The following CFAP58 variants were observed in gnomAD, a reference collection of about 807,000 sequenced individuals.
The protein encoded by CFAP58 is cilia- and flagella-associated protein 58.
Under a neutral mutation model 119.5 loss-of-function variants are expected in CFAP58, and 88 were observed. The ratio of observed to expected loss-of-function variants is 0.74; its 90% CI spans 0.62 to 0.88. CFAP58 has a LOEUF of 0.88. Among genes scored for constraint, CFAP58 ranks in the 40% least tolerant of loss-of-function variants. The pLI is 0.00. For synonymous variants in CFAP58, 365 were observed against 366.3 expected (o/e 1.00, Z 0.04); for missense variants, 990 against 1,021.2 (o/e 0.97, Z 0.42).
intron 15 of CFAP58, among the ~76,000 whole-genome samples, chr10:104,434,330 G>A (rs1352099358): frequency 6.6e-6 from 1 of 152,116 alleles, no homozygotes; most frequent in Non-Finnish European, 1.5e-5. Context: ...AACTTCTCTT[G>A]TGTTTCCTAC....
chr10:104,388,540 G>A (rs1280610943), intron 9 of CFAP58, among the ~76,000 whole-genome samples: 3 of 152,146 alleles, frequency 2.0e-5, no homozygotes, highest in Non-Finnish European at 4.4e-5. Flanking sequence ...AAGCCAGGGC[G>A]CATAGTTGTT....
intron 7 of CFAP58, among the ~76,000 whole-genome samples, 157 bp downstream of exon 7, chr10:104,371,211 G>C (rs751906293): frequency 1.3e-5 from 2 of 151,864 alleles, no homozygotes; most frequent in African/African-American, 2.4e-5. Flanking sequence ...GGGTGGGGTG[G>C]GGGGCATCAT....
chr10:104,353,325 C>T (rs2014488304), upstream of CFAP58: 1 of 152,500 alleles, frequency 6.6e-6, no homozygotes. Flanking sequence ...CTTCAGCTTT[C>T]CCTCCGTGTC....
At chr10:104,372,783 C>G (rs2014841689) in intron 7 of CFAP58, among the ~76,000 whole-genome samples, 1 of 152,218 alleles carries the variant, frequency 6.6e-6, no homozygotes, top group Admixed American at 6.5e-5. Flanking sequence ...TTGAGCCCAA[C>G]TCTTCATCCT....
intron 17 of CFAP58, among the ~76,000 whole-genome samples, chr10:104,452,861 T>C (rs57814403): frequency 0.01 from 1,585 of 152,272 alleles, 31 homozygotes; most frequent in African/African-American, 0.036. Flanking sequence ...CTAGTTAGGG[T>C]TCCTTTGGTG....
intron 12 of CFAP58, among the ~76,000 whole-genome samples, chr10:104,400,141 G>T (rs2012236558): frequency 1.3e-5 from 2 of 151,988 alleles, no homozygotes; most frequent in East Asian, 1.9e-4. Context: ...ATTATTAGAT[G>T]ATTGGACTAT....
intron 7 of CFAP58, among the ~76,000 whole-genome samples, chr10:104,376,376 G>T (rs537258532): frequency 1.3e-5 from 2 of 151,808 alleles, no homozygotes; most frequent in South Asian, 4.2e-4. Flanking sequence ...TGGTGGTGCT[G>T]CACCTGTAGT....
At chr10:104,445,363 A>G (rs2013098890) in intron 15 of CFAP58, among the ~76,000 whole-genome samples, 3 of 152,014 alleles carry the variant, frequency 2.0e-5, no homozygotes, top group Non-Finnish European at 4.4e-5. Flanking sequence ...AAACAAACCA[A>G]AAGAACAAAA....
intron 9 of CFAP58, among the ~76,000 whole-genome samples, chr10:104,384,676 A>G (rs2011886346): frequency 6.6e-6 from 1 of 152,250 alleles, no homozygotes; most frequent in Non-Finnish European, 1.5e-5. Context: ...AAATGCAGAG[A>G]AAAGGTTTGG....
intron 2 of CFAP58, among the ~76,000 whole-genome samples, chr10:104,361,119 G>T (rs565250263): frequency 1.3e-5 from 2 of 152,194 alleles, no homozygotes; most frequent in South Asian, 4.1e-4. Context: ...ATTTGGGCAG[G>T]GACATACATC....
intron 15 of CFAP58, among the ~76,000 whole-genome samples, chr10:104,418,807 G>A (rs1241360347): frequency 6.6e-6 from 1 of 152,172 alleles, no homozygotes. Flanking sequence ...TGCTTTATTA[G>A]TGGATAACTC....
intron 15 of CFAP58, among the ~76,000 whole-genome samples, chr10:104,432,044 G>A (rs1336089501): frequency 6.6e-6 from 1 of 151,858 alleles, no homozygotes; most frequent in Admixed American, 6.6e-5. Context: ...CAAGTTTCCT[G>A]TACACATACA....
rs1261519700 is a variant in CFAP58, at chr10:104,358,432, A to C, written c.101A>C (p.Lys34Thr). The change falls in exon 2 of 18, where the codon AAA becomes ACA. Residue 34 changes from lysine (K) to threonine (T), a missense_variant. Physicochemically the swap from Lys to Thr is moderately conservative, Grantham distance 78 (BLOSUM62 -1). Transcript: ENST00000369704. ...GTTCTCCATGAACTTTCTGGAGACAAAAGTTTGGAAAAATTTCGGATTGAA... is the reference window on the plus strand; with the variant it reads ...GTTCTCCATGAACTTTCTGGAGACACAAGTTTGGAAAAATTTCGGATTGAA... Reference protein sequence around the residue: ...QGVLHELSGDKSLEKFRIEYE... With the variant: ...QGVLHELSGDTSLEKFRIEYE... 1 of 1,614,106 alleles carries C rather than the reference A, an allele frequency of 6.2e-7. No individual in the cohort carries two copies. The highest frequency in any genetic ancestry group is 8.5e-7 in the Non-Finnish European group (1 of 1,180,024).
rs534503199 is a variant in CFAP58 at position 104,384,768 on chromosome 10, G to A, written c.1365+4548G>A. On this transcript the variant is annotated intron_variant, in intron 9 of 17. Coordinates refer to ENST00000369704, the MANE Select transcript of CFAP58 (RefSeq NM_001008723.2). ...GGAACAGTGTTTAGCAAAATACCTT[G>A]ATATTTGCCTTGGTTTGAAAGGTGA... 2.6e-5 allele frequency among the ~76,000 whole-genome samples: 4 copies of A among 152,312 alleles called. No individual in the cohort carries two copies. The East Asian group carries it at 7.7e-4, about 29-fold the overall frequency.
chr10:104,345,312 A>G, the CFAP58 span, among the ~76,000 whole-genome samples: 38,512 of 151,976 alleles, frequency 0.25, 5,155 homozygotes, highest in Middle Eastern at 0.3. Context: ...TTTGGTATTT[A>G]CATTGAGGAT....
chr10:104,416,723 A>G (rs2012560185), intron 15 of CFAP58, among the ~76,000 whole-genome samples: 1 of 152,100 alleles, frequency 6.6e-6, no homozygotes, highest in African/African-American at 2.4e-5. Context: ...TGTCACAACA[A>G]CCCCAGAAGA....
intron 13 of CFAP58, among the ~76,000 whole-genome samples, chr10:104,403,273 G>A (rs1057262860): frequency 3.3e-5 from 5 of 152,118 alleles, no homozygotes; most frequent in Non-Finnish European, 4.4e-5. Flanking sequence ...TGCCTGCCAC[G>A]ATGTAAGATG....
chr10:104,419,119 G>A (rs1055775086), intron 15 of CFAP58, among the ~76,000 whole-genome samples: 7 of 152,172 alleles, frequency 4.6e-5, no homozygotes, highest in African/African-American at 1.7e-4. Flanking sequence ...TGGGGTTTCT[G>A]GGAATGCCTG....
chr10:104,419,221 A>G (rs938609760), intron 15 of CFAP58, among the ~76,000 whole-genome samples: 2 of 152,074 alleles, frequency 1.3e-5, no homozygotes, highest in African/African-American at 4.8e-5. Flanking sequence ...GCTAGCATAG[A>G]TGTCCTCCCT....
Sources: allele counts gnomAD v4.1 joint callset (sites outside exome capture counted in the v4.1 genomes callset), GRCh38; gene constraint gnomAD v4.1.1; transcripts MANE v1.5; gene names NCBI Gene and HGNC (gene_info 2026-07-23, HGNC 2026-07-21).